MAP4: variants seen among roughly 807,000 people sequenced by gnomAD.
The protein encoded by MAP4 is microtubule associated protein 4.
In MAP4, 76 loss-of-function variants were observed where a neutral mutation model predicts 170.2. That is an observed-to-expected ratio of 0.45 (90% confidence interval 0.37 to 0.54). The LOEUF is 0.54. Among genes scored for constraint, MAP4 ranks in the 20% least tolerant of loss-of-function variants. The pLI is 0.00. For missense variants in MAP4, 2,506 were observed against 2,748.0 expected (o/e 0.91, Z 1.97); for synonymous variants, 909 against 994.5 (o/e 0.91, Z 1.62).
intron 1 of MAP4, among the ~76,000 whole-genome samples, chr3:48,050,207 C>T (rs1018390881): frequency 1.3e-5 from 2 of 150,470 alleles, no homozygotes; most frequent in Non-Finnish European, 2.9e-5. Context: ...TTGAAGTGAG[C>T]CGAGATGACA....
chr3:48,030,318 G>C (rs866279948), intron 1 of MAP4, among the ~76,000 whole-genome samples: 1 of 151,786 alleles, frequency 6.6e-6, no homozygotes, highest in Non-Finnish European at 1.5e-5. Flanking sequence ...CCCCAGTAAA[G>C]CAACAGCATA....
intron 10 of MAP4, among the ~76,000 whole-genome samples, chr3:47,886,080 T>G (rs959324318): frequency 4.6e-5 from 7 of 152,208 alleles, no homozygotes; most frequent in African/African-American, 1.7e-4. Flanking sequence ...TGTAACTAGC[T>G]GCCACTGGCC....
At chr3:48,013,086 G>A (rs570803266) in intron 1 of MAP4, among the ~76,000 whole-genome samples, 1 of 151,972 alleles carries the variant, frequency 6.6e-6, no homozygotes, top group East Asian at 1.9e-4. Flanking sequence ...ATGCTCTATA[G>A]ATGTTAAACT....
At chr3:48,037,131 T>C (rs557586693) in intron 1 of MAP4, among the ~76,000 whole-genome samples, 1 of 152,166 alleles carries the variant, frequency 6.6e-6, no homozygotes, top group Non-Finnish European at 1.5e-5. Flanking sequence ...TAAACTCTAG[T>C]AAATAAAGTT....
chr3:47,907,027 G>T (rs1260273101), intron 9 of MAP4, among the ~76,000 whole-genome samples: 1 of 152,036 alleles, frequency 6.6e-6, no homozygotes, highest in African/African-American at 2.4e-5. Context: ...TAGAGATGGG[G>T]TTTCTCCACG....
chr3:47,865,858 G>A (rs750109832), intron 17 of MAP4, among the ~76,000 whole-genome samples: 37 of 152,254 alleles, frequency 2.4e-4, no homozygotes, highest in Admixed American at 9.8e-4. Context: ...AGTGACAAGC[G>A]GAAAGCACAC....
chr3:48,029,299 G>A (rs1274548421), intron 1 of MAP4, among the ~76,000 whole-genome samples: 2 of 152,082 alleles, frequency 1.3e-5, no homozygotes, highest in South Asian at 2.1e-4. Context: ...TTAGCCAGGC[G>A]TGGTGGTGCA....
At chr3:48,052,890 G>A (rs1406274359) in intron 1 of MAP4, among the ~76,000 whole-genome samples, 2 of 152,074 alleles carry the variant, frequency 1.3e-5, no homozygotes, top group African/African-American at 2.4e-5. Context: ...AACTGATAAC[G>A]TGTTAAATAT....
intron 1 of MAP4, among the ~76,000 whole-genome samples, chr3:48,034,019 A>G (rs2100117522): frequency 6.6e-6 from 1 of 152,228 alleles, no homozygotes; most frequent in Non-Finnish European, 1.5e-5. Context: ...GTGTATCCTG[A>G]GCCCTTTTAT....
At chr3:48,020,986 G>A (rs2100110258), upstream of MAP4, among the ~76,000 whole-genome samples, 1 of 152,118 alleles carries the variant, frequency 6.6e-6, no homozygotes, top group Admixed American at 6.5e-5. Flanking sequence ...TGGTTTTCTT[G>A]CAGTAAGGGT....
chr3:48,006,026 T>C (rs2100102118), intron 1 of MAP4, among the ~76,000 whole-genome samples: 1 of 152,194 alleles, frequency 6.6e-6, no homozygotes, highest in Admixed American at 6.5e-5. Context: ...ATTGGCTAAT[T>C]AATCACGGTA....
chr3:48,087,745 G>GCACACA (rs1171639123), intron 1 of MAP4, among the ~76,000 whole-genome samples: 5,833 of 105,592 alleles, frequency 0.055, 126 homozygotes, highest in African/African-American at 0.078. Context: ...ACACGCACGC[G>GCACACA]CACACACACA....
chr3:48,022,751 C>T (rs1310062765), intron 1 of MAP4, among the ~76,000 whole-genome samples: 1 of 152,068 alleles, frequency 6.6e-6, no homozygotes, highest in South Asian at 2.1e-4. Context: ...ATTAGCTGTG[C>T]GTGGTGGCAT....
intron 18 of MAP4, 23 bp downstream of exon 18, chr3:47,857,408 T>G: frequency 6.2e-7 from 1 of 1,606,746 alleles, no homozygotes; most frequent in African/African-American, 1.3e-5. Flanking sequence ...GGAGACCCAG[T>G]GGGCAAGGGA....
rs144071124 is a variant in MAP4, at chr3:47,871,025, C to T, written c.6082G>A (p.Gly2028Arg). ...TTLSGTAPAA[G>R]VVPSRVKATP... ...GCCTTGACTCGGCTGGGAACCACCC[C>T]TGCAGCGGGGGCTGTCCCACTGAGA... Residue 2028 changes from glycine to arginine, a missense_variant, in exon 15 of 21, where the codon GGG (glycine) becomes AGG (arginine). Gly to Arg is a moderately radical substitution (Grantham distance 125, BLOSUM62 -2). Transcript: ENST00000683076. The T allele has an allele frequency of 9.9e-5, 160 of 1,613,974 alleles. No homozygotes were observed. Among genetic ancestry groups the T allele is most frequent in the Non-Finnish European group, 1.3e-4 (156 of 1,179,954 alleles).
intron 1 of MAP4, among the ~76,000 whole-genome samples, chr3:48,056,989 G>C (rs2100132372): frequency 7.8e-6 from 1 of 127,416 alleles, no homozygotes; most frequent in African/African-American, 3.0e-5. Context: ...GAGGTGGGGG[G>C]GGTCAGCCCC....
intron 3 of MAP4, among the ~76,000 whole-genome samples, chr3:47,949,845 G>A (rs1413634256): frequency 2.0e-5 from 3 of 151,868 alleles, no homozygotes; most frequent in East Asian, 1.9e-4. Flanking sequence ...CATGTGATGC[G>A]TGGGACACCC....
intron 3 of MAP4, among the ~76,000 whole-genome samples, chr3:47,942,840 C>T (rs980521500): frequency 3.3e-5 from 5 of 152,040 alleles, no homozygotes; most frequent in Non-Finnish European, 2.9e-5. Flanking sequence ...CTGGGCATGG[C>T]GGCTCACACC....
At chr3:47,869,058 T>C (rs1047979047) in intron 16 of MAP4, among the ~76,000 whole-genome samples, 156 bp downstream of exon 16, 3 of 152,110 alleles carry the variant, frequency 2.0e-5, no homozygotes, top group African/African-American at 7.2e-5. Flanking sequence ...AATTTTCTGA[T>C]GGCCGAGTCA....
Sources: allele counts gnomAD v4.1 joint callset (sites outside exome capture counted in the v4.1 genomes callset), GRCh38; gene constraint gnomAD v4.1.1; transcripts MANE v1.5; gene names NCBI Gene and HGNC (gene_info 2026-07-23, HGNC 2026-07-21).